Variants in ADAMTS17 observed in about 807,000 individuals in gnomAD.
The protein encoded by ADAMTS17 is ADAM metallopeptidase with thrombospondin type 1 motif 17.
Under a neutral mutation model 141.5 loss-of-function variants are expected in ADAMTS17, and 113 were observed. That is an observed-to-expected ratio of 0.80 (90% CI 0.69 to 0.93). ADAMTS17 has a LOEUF of 0.93. Ranked by LOEUF, ADAMTS17 falls within the 40% of genes least tolerant of loss-of-function variation. The pLI, the probability that ADAMTS17 is intolerant of heterozygous loss-of-function variation, is 0.00. For synonymous variants in ADAMTS17, 768 were observed against 630.6 expected (o/e 1.22, Z -3.27); for missense variants, 1,659 against 1,517.9 (o/e 1.09, Z -1.54).
chr15:100,202,983 A>T (rs947851695), intron 7 of ADAMTS17, among the ~76,000 whole-genome samples: 3 of 138,592 alleles, frequency 2.2e-5, no homozygotes, highest in Non-Finnish European at 4.4e-5. Flanking sequence ...TTATTTAAAA[A>T]TTTTTAAAAA....
intron 18 of ADAMTS17, among the ~76,000 whole-genome samples, chr15:100,036,210 G>A (rs1474369706): frequency 2.6e-5 from 4 of 152,260 alleles, no homozygotes; most frequent in Admixed American, 2.6e-4. Context: ...GGCAAGGAGG[G>A]TGCAGAGAGG....
rs118109106 is a variant in ADAMTS17 at position 100,315,317 on chromosome 15, C to T, written c.616+15572G>A. ...GGTTCACCCCTCTTTTCTCTCCCCC[C>T]ACCCTTCCCAGGGAACACTGCAGGG... On this transcript the variant is annotated intron_variant, in intron 3 of 21. Coordinates refer to ENST00000268070, the MANE Select transcript of ADAMTS17 (RefSeq NM_139057.4). Among the ~76,000 whole-genome samples, 330 of 152,322 alleles carry T rather than the reference C, an allele frequency of 2.2e-3. 4 individuals carry two copies. The highest frequency in any genetic ancestry group is 0.019 in the East Asian group (97 of 5,178).
intron 7 of ADAMTS17, among the ~76,000 whole-genome samples, chr15:100,212,344 CG>C (rs973564386): frequency 7.2e-5 from 11 of 152,154 alleles, no homozygotes; most frequent in Non-Finnish European, 2.9e-5. Flanking sequence ...CCGTGCATAA[CG>C]CATTCCAGGG....
At chr15:100,112,311 A>C (rs937340116) in intron 13 of ADAMTS17, among the ~76,000 whole-genome samples, 3 of 152,094 alleles carry the variant, frequency 2.0e-5, no homozygotes, top group Admixed American at 1.3e-4. Flanking sequence ...ACAGCTGGGG[A>C]CACTCAGGCT....
intron 14 of ADAMTS17, among the ~76,000 whole-genome samples, chr15:100,103,004 T>A (rs1271401548): frequency 6.6e-6 from 1 of 152,222 alleles, no homozygotes; most frequent in Non-Finnish European, 1.5e-5. Context: ...TGTTCCTGCA[T>A]GACACTTCCA....
intron 20 of ADAMTS17, among the ~76,000 whole-genome samples, chr15:99,977,978 G>A (rs1331360772): frequency 6.6e-6 from 1 of 152,208 alleles, no homozygotes; most frequent in African/African-American, 2.4e-5. Flanking sequence ...CCGAGCTGGA[G>A]CTAGGAATGG....
chr15:100,263,335 A>G (rs576091868), intron 4 of ADAMTS17, among the ~76,000 whole-genome samples: 1 of 152,296 alleles, frequency 6.6e-6, no homozygotes, highest in Admixed American at 6.5e-5. Context: ...GCCAGTCACA[A>G]TGGCTTGATT....
At chr15:100,339,611 TCCCCGCCCCAGGTCCACATTCC>T (rs1196002701) in intron 2 of ADAMTS17, among the ~76,000 whole-genome samples, 1 of 129,732 alleles carries the variant, frequency 7.7e-6, no homozygotes, top group African/African-American at 3.2e-5. Flanking sequence ...AGGTCCACAT[TCCCCGCCCCAGGTCCACATTCC>T]CCGCCCCAGG....
intron 13 of ADAMTS17, 96 bp downstream of exon 13, chr15:100,116,751 T>A (rs1458812773): frequency 1.3e-6 from 2 of 1,575,180 alleles, no homozygotes; most frequent in African/African-American, 2.7e-5. Flanking sequence ...CTGGGTTGGT[T>A]TGGGAAAGGG....
intron 3 of ADAMTS17, among the ~76,000 whole-genome samples, chr15:100,309,068 G>A (rs2141848827): frequency 6.6e-6 from 1 of 152,354 alleles, no homozygotes; most frequent in South Asian, 2.1e-4. Flanking sequence ...CATGCCCACA[G>A]AATGGCCATG....
chr15:100,077,325 GGT>G (rs1243838709), intron 15 of ADAMTS17, among the ~76,000 whole-genome samples: 1 of 144,500 alleles, frequency 6.9e-6, no homozygotes, highest in East Asian at 2.0e-4. Context: ...AGCCTGGCAT[GGT>G]GGTGCGTGCC....
At chr15:100,215,572 C>G (rs1191217307) in intron 7 of ADAMTS17, among the ~76,000 whole-genome samples, 1 of 152,088 alleles carries the variant, frequency 6.6e-6, no homozygotes, top group South Asian at 2.1e-4. Context: ...CACTGCTGCC[C>G]TTGGGTAACA....
At chr15:100,091,673 A>T (rs940812408) in intron 15 of ADAMTS17, among the ~76,000 whole-genome samples, 1 of 152,170 alleles carries the variant, frequency 6.6e-6, no homozygotes, top group African/African-American at 2.4e-5. Flanking sequence ...TGTTTTCAGG[A>T]GCATTAACCA....
intron 15 of ADAMTS17, among the ~76,000 whole-genome samples, chr15:100,056,024 A>G (rs2032537922): frequency 6.6e-6 from 1 of 152,214 alleles, no homozygotes; most frequent in Non-Finnish European, 1.5e-5. Context: ...AGATTTTATG[A>G]CTAATGCTGA....
At chr15:100,307,944 A>G (rs1221647710) in intron 3 of ADAMTS17, among the ~76,000 whole-genome samples, 1 of 152,248 alleles carries the variant, frequency 6.6e-6, no homozygotes, top group Non-Finnish European at 1.5e-5. Flanking sequence ...TGTTTTTTCT[A>G]TGAAAAATAC....
intron 7 of ADAMTS17, among the ~76,000 whole-genome samples, chr15:100,233,654 A>G (rs1007960332): frequency 6.6e-6 from 1 of 152,220 alleles, no homozygotes; most frequent in African/African-American, 2.4e-5. Flanking sequence ...AGAAACACGC[A>G]ATGTCCAGCA....
chr15:100,253,293 C>G (rs1429117301), intron 7 of ADAMTS17, among the ~76,000 whole-genome samples: 1 of 143,424 alleles, frequency 7.0e-6, no homozygotes, highest in Non-Finnish European at 1.5e-5. Context: ...AACTCAAGAG[C>G]AAACCAGACA....
chr15:100,185,934 C>G (rs942720815), intron 8 of ADAMTS17, among the ~76,000 whole-genome samples: 33 of 152,136 alleles, frequency 2.2e-4, no homozygotes, highest in Non-Finnish European at 3.8e-4. Flanking sequence ...GAAGATGAGG[C>G]TGGTGTTAAT....
chr15:100,259,857 C>A (rs1192175920), intron 6 of ADAMTS17, among the ~76,000 whole-genome samples: 1 of 152,062 alleles, frequency 6.6e-6, no homozygotes, highest in African/African-American at 2.4e-5. Flanking sequence ...TTTTGTTTTT[C>A]TTTTGAGACA....
Sources: allele counts gnomAD v4.1 joint callset (sites outside exome capture counted in the v4.1 genomes callset), GRCh38; gene constraint gnomAD v4.1.1; transcripts MANE v1.5; gene names NCBI Gene and HGNC (gene_info 2026-07-23, HGNC 2026-07-21).